CACNA2D3: variants seen among roughly 807,000 people sequenced by gnomAD.
CACNA2D3 encodes voltage-dependent calcium channel subunit alpha-2/delta-3.
CACNA2D3 carries 60 observed loss-of-function variants against 160.6 expected under a neutral mutation model. The observed-to-expected ratio is 0.37, with a 90% CI of 0.30 to 0.46. The LOEUF (loss-of-function observed/expected upper bound fraction) is 0.46, where lower values mean the gene tolerates loss of function less well. Ranked by LOEUF, CACNA2D3 falls within the 20% of genes least tolerant of loss-of-function variation. CACNA2D3 has a pLI of 1.00. For missense variants in CACNA2D3, 1,205 were observed against 1,365.0 expected (o/e 0.88, Z 1.85); for synonymous variants, 558 against 492.9 (o/e 1.13, Z -1.75).
chr3:54,447,331 C>T (rs1299199630), intron 4 of CACNA2D3, among the ~76,000 whole-genome samples: 1 of 152,122 alleles, frequency 6.6e-6, no homozygotes. Flanking sequence ...AAGAAAAATC[C>T]TGGAAGAGCA....
chr3:54,973,561 C>T (rs1409713575), intron 29 of CACNA2D3, among the ~76,000 whole-genome samples: 5 of 152,136 alleles, frequency 3.3e-5, no homozygotes, highest in African/African-American at 4.8e-5. Context: ...GTAGGCATTT[C>T]CTCTGGCATC....
At chr3:54,837,584 C>G (rs1485621265) in intron 15 of CACNA2D3, among the ~76,000 whole-genome samples, 1 of 152,078 alleles carries the variant, frequency 6.6e-6, no homozygotes, top group Admixed American at 6.6e-5. Flanking sequence ...AACTGTGTGG[C>G]TTAAAAAAAT....
intron 2 of CACNA2D3, among the ~76,000 whole-genome samples, chr3:54,298,593 G>A (rs1024060566): frequency 2.0e-5 from 3 of 152,162 alleles, no homozygotes; most frequent in African/African-American, 7.2e-5. Flanking sequence ...GAGCCTAGAA[G>A]TTCAAGAGCA....
At chr3:54,534,685 G>A (rs1336382206) in intron 5 of CACNA2D3, among the ~76,000 whole-genome samples, 1 of 152,158 alleles carries the variant, frequency 6.6e-6, no homozygotes, top group Non-Finnish European at 1.5e-5. Flanking sequence ...CACTTTGGGA[G>A]GCCAAGGCTA....
At chr3:54,627,958 C>T (rs572625414) in intron 10 of CACNA2D3, 82 bp downstream of exon 10, 249 of 951,214 alleles carry the variant, frequency 2.6e-4, no homozygotes, top group Admixed American at 6.0e-4. Context: ...CCAGGCTGGG[C>T]GCTGTGGTTC....
At position 54,897,051 on chromosome 3, in the gene CACNA2D3, A is replaced by T. The variant is rs559736682; in HGVS notation, c.2368+181A>T. On this transcript the variant is annotated intron_variant, in intron 26 of 37. Coordinates refer to ENST00000474759, the MANE Select transcript of CACNA2D3 (RefSeq NM_018398.3). ...AGTTCCATAAGAGTAATAGCCTCAAAGAAAAGGAAGGTTTTTCCTTTACCA... is the reference window on the plus strand; with the variant it reads ...AGTTCCATAAGAGTAATAGCCTCAATGAAAAGGAAGGTTTTTCCTTTACCA... 6.1e-5 allele frequency: 36 copies of T among 593,028 alleles called. 1 individual carries two copies. The South Asian group carries it at 1.1e-3, about 18-fold the overall frequency. 36.7% of individuals were successfully genotyped at this position (593,028 alleles called of 1,614,324 possible).
chr3:54,450,287 C>T (rs1351861468), intron 4 of CACNA2D3, among the ~76,000 whole-genome samples: 2 of 152,198 alleles, frequency 1.3e-5, no homozygotes, highest in Non-Finnish European at 2.9e-5. Flanking sequence ...TGAGGGGACA[C>T]AATTTAGCCT....
intron 13 of CACNA2D3, among the ~76,000 whole-genome samples, chr3:54,809,304 CTTCT>C: frequency 1.0e-5 from 1 of 99,072 alleles, no homozygotes; most frequent in Non-Finnish European, 1.8e-5. Context: ...TCCTTCCTTC[CTTCT>C]TTCTTTTTTT....
intron 9 of CACNA2D3, among the ~76,000 whole-genome samples, chr3:54,605,389 T>C (rs1022418692): frequency 6.6e-6 from 1 of 152,196 alleles, no homozygotes; most frequent in Admixed American, 6.5e-5. Flanking sequence ...GCCCTTATCC[T>C]ATTGTGGACT....
At chr3:54,788,435 G>A (rs569721804) in intron 13 of CACNA2D3, among the ~76,000 whole-genome samples, 1 of 152,278 alleles carries the variant, frequency 6.6e-6, no homozygotes, top group South Asian at 2.1e-4. Context: ...GTCTCTAGAT[G>A]TCTTCTTTGT....
intron 35 of CACNA2D3, among the ~76,000 whole-genome samples, chr3:55,058,240 A>G (rs1469733191): frequency 1.3e-5 from 2 of 152,198 alleles, no homozygotes; most frequent in Non-Finnish European, 2.9e-5. Context: ...TTGTTTAATT[A>G]TTTCCCTGGT....
At chr3:55,061,037 T>G (rs543749090) in intron 35 of CACNA2D3, among the ~76,000 whole-genome samples, 1 of 152,286 alleles carries the variant, frequency 6.6e-6, no homozygotes, top group Admixed American at 6.5e-5. Flanking sequence ...TAAATCCTTG[T>G]GGGCTGAGGA....
At chr3:54,186,518 T>A (rs1700881534) in intron 2 of CACNA2D3, among the ~76,000 whole-genome samples, 1 of 152,100 alleles carries the variant, frequency 6.6e-6, no homozygotes, top group South Asian at 2.1e-4. Context: ...GAAGGTGTAT[T>A]TTTCTCCTTC....
intron 5 of CACNA2D3, among the ~76,000 whole-genome samples, chr3:54,556,665 C>T (rs548138605): frequency 2.5e-4 from 38 of 152,176 alleles, no homozygotes; most frequent in Non-Finnish European, 4.9e-4. Flanking sequence ...CCTAAAGAAC[C>T]GCAAGTAAAG....
intron 2 of CACNA2D3, among the ~76,000 whole-genome samples, chr3:54,154,788 G>A (rs1408547445): frequency 1.3e-5 from 2 of 151,986 alleles, no homozygotes; most frequent in African/African-American, 2.4e-5. Context: ...GCAGATGTAC[G>A]ATTCTGTTCC....
chr3:54,817,837 C>A (rs1311865478), intron 14 of CACNA2D3, among the ~76,000 whole-genome samples: 1 of 152,186 alleles, frequency 6.6e-6, no homozygotes, highest in African/African-American at 2.4e-5. Context: ...GCAAGGCATG[C>A]TAGTGTGTGA....
intron 29 of CACNA2D3, among the ~76,000 whole-genome samples, chr3:54,977,964 G>A (rs115869056): frequency 0.017 from 2,635 of 152,252 alleles, 66 homozygotes; most frequent in African/African-American, 0.06. Flanking sequence ...GATTATTCAT[G>A]CCTCTCCTTT....
rs570887544 is a variant in CACNA2D3 at position 54,485,366 on chromosome 3, G to C, written c.382-18126G>C. 4.1e-4 allele frequency among the ~76,000 whole-genome samples: 62 copies of C among 152,214 alleles called. 1 individual carries two copies. The highest frequency in any genetic ancestry group is 1.5e-3 in the African/African-American group (62 of 41,524). On this transcript the variant is annotated intron_variant, in intron 4 of 37. Transcript: ENST00000474759. ...TTGAACCAAGGAAGTCTAGTTATTGGACACTAAAGGAACTATAGGATGGTT... is the reference window on the plus strand; with the variant it reads ...TTGAACCAAGGAAGTCTAGTTATTGCACACTAAAGGAACTATAGGATGGTT...
At chr3:55,065,864 A>G (rs981430749) in intron 35 of CACNA2D3, among the ~76,000 whole-genome samples, 15 of 152,104 alleles carry the variant, frequency 9.9e-5, no homozygotes, top group Admixed American at 1.3e-4. Context: ...GTGGCATGCT[A>G]TGTTGCTTTT....
Sources: allele counts gnomAD v4.1 joint callset (sites outside exome capture counted in the v4.1 genomes callset), GRCh38; gene constraint gnomAD v4.1.1; transcripts MANE v1.5; gene names NCBI Gene and HGNC (gene_info 2026-07-23, HGNC 2026-07-21).